STAMBP: variants seen among roughly 807,000 people sequenced by gnomAD.
STAMBP encodes the protein STAM binding protein, also known as STAM-binding protein.
In STAMBP, 31 loss-of-function variants were observed where a neutral mutation model predicts 50.7. The observed-to-expected ratio is 0.61, with a 90% CI of 0.46 to 0.83. The LOEUF (loss-of-function observed/expected upper bound fraction) is 0.83. STAMBP is among the 40% of genes least tolerant of loss of function. STAMBP has a pLI of 0.00. For synonymous variants in STAMBP, 211 were observed against 192.4 expected, an observed-to-expected ratio of 1.10 and a Z score of -0.80; for missense variants, 472 against 518.9, an observed-to-expected ratio of 0.91 and a Z score of 0.88.
At chr2:73,843,000 G>C (rs1007581916) in intron 2 of STAMBP, among the ~76,000 whole-genome samples, 1 of 152,090 alleles carries the variant, frequency 6.6e-6, no homozygotes, top group East Asian at 1.9e-4. Context: ...GCCTGCTAAA[G>C]GTAGTAAATA....
chr2:73,857,496 C>G (rs1331709288), intron 7 of STAMBP, among the ~76,000 whole-genome samples: 1 of 152,180 alleles, frequency 6.6e-6, no homozygotes, highest in Non-Finnish European at 1.5e-5. Context: ...AGTTCCAAGC[C>G]TCTTCGTCCA....
At position 73,866,413 on chromosome 2, in the gene STAMBP, A is replaced by G. The variant is rs1427073693; in HGVS notation, c.*4154A>G. Reference sequence around the variant, plus strand: ...GCGTTTTCATATTGTCTTTTATGTAAGTCATGTTTCTGAACTATCGTATAA... The same window carrying G: ...GCGTTTTCATATTGTCTTTTATGTAGGTCATGTTTCTGAACTATCGTATAA... On this transcript the variant is annotated 3_prime_UTR_variant, in exon 10 of 10. Coordinates refer to ENST00000394070, the MANE Select transcript of STAMBP (RefSeq NM_213622.4). 6.6e-6 allele frequency: 1 copy of G among 152,222 alleles called. No homozygotes were observed. Among genetic ancestry groups the G allele is most frequent in the Non-Finnish European group, 1.5e-5 (1 of 68,056 alleles). The allele number at this position is 152,222 out of a possible 1,614,324, so 9.4% of individuals were successfully genotyped here.
chr2:73,847,320 C>G, intron 4 of STAMBP, 67 bp from the exon 5 acceptor site: 1 of 1,520,960 alleles, frequency 6.6e-7, no homozygotes, highest in Non-Finnish European at 8.8e-7. Flanking sequence ...TGCTAAAAAG[C>G]CTTGTTCTCC....
At chr2:73,849,311 T>C in intron 5 of STAMBP, 52 bp from the exon 6 acceptor site, 1 of 1,611,218 alleles carries the variant, frequency 6.2e-7, no homozygotes. Flanking sequence ...TGAGGTCTGC[T>C]TGAGGAGGCA....
In STAMBP at chr2:73,832,345, C is replaced by G. The variant is rs1674061655; in HGVS notation, c.203+1286C>G. Among the ~76,000 whole-genome samples, 5 of 151,372 alleles carry G rather than the reference C, an allele frequency of 3.3e-5. No homozygotes were observed. In the South Asian group the frequency reaches 1.0e-3, roughly 31 times the overall value. On this transcript the variant is annotated intron_variant, in intron 2 of 9. Coordinates refer to ENST00000394070, the MANE Select transcript of STAMBP (RefSeq NM_213622.4). ...TGGCGTGTGCCTGTAATCCCAGCTA[C>G]TTGGGAGGCTAAGGCAGGAGAATCG...
chr2:73,847,481 T>G lies in STAMBP; in HGVS notation c.470T>G (p.Leu157Trp), dbSNP rs1012443924. 3 of 1,614,044 alleles carry G rather than the reference T, an allele frequency of 1.9e-6. No homozygotes were observed. In the African/African-American group the frequency reaches 4.0e-5, roughly 22 times the overall value. Residue 157 changes from leucine (L) to tryptophan (W), a missense_variant, in exon 5 of 10, where the codon TTG becomes TGG. Transcript: ENST00000394070. Reference sequence around the variant, plus strand: ...GTAGCACAACAGAAGCAGCAGCAATTGGAACAGGAACAGTTCCATGCCTTC... The same window carrying G: ...GTAGCACAACAGAAGCAGCAGCAATGGGAACAGGAACAGTTCCATGCCTTC... ...QRVAQQKQQQ[L>W]EQEQFHAFEE...
chr2:73,835,354 A>C (rs1282649526), intron 2 of STAMBP, among the ~76,000 whole-genome samples: 1 of 81,180 alleles, frequency 1.2e-5, no homozygotes, highest in Non-Finnish European at 2.7e-5. Flanking sequence ...ACTCGGTCTC[A>C]AAAAAAAAAA....
rs777124033 is a variant in STAMBP at position 73,830,928 on chromosome 2, G to A, written c.72G>A (p.Ala24=). The part of the protein sequence containing the change: ...RVRALSQLGS[A]VEVNEDIPPR... ...GGGCTCTCTCCCAGCTGGGTAGTGC[G>A]GTAGAGGTGAATGAAGACATTCCAC... The change falls in exon 2 of 10, where the codon GCG becomes GCA. Residue 24 remains alanine (A), a synonymous_variant. Transcript: ENST00000394070. 32 of 1,613,952 alleles carry A rather than the reference G, an allele frequency of 2.0e-5. No individual in the cohort carries two copies. The highest frequency in any genetic ancestry group is 1.7e-4 in the Middle Eastern group (1 of 6,010).
chr2:73,832,493 C>G (rs1674088326), intron 2 of STAMBP, among the ~76,000 whole-genome samples: 1 of 151,920 alleles, frequency 6.6e-6, no homozygotes, highest in African/African-American at 2.4e-5. Flanking sequence ...CCACCCACTC[C>G]TCTTTTCCCC....
At chr2:73,849,337 A>G in intron 5 of STAMBP, 26 bp from the exon 6 acceptor site, 3 of 1,612,732 alleles carry the variant, frequency 1.9e-6, no homozygotes, top group Non-Finnish European at 2.5e-6. Context: ...CAGTGGTCGC[A>G]GACTATTCTC....
Position 73,830,854 on chromosome 2 carries a change from C to T in STAMBP, c.-3C>T. The T allele has an allele frequency of 6.2e-7, 1 of 1,612,356 alleles. No homozygotes were observed. The highest frequency in any genetic ancestry group is 8.5e-7 in the Non-Finnish European group (1 of 1,179,810). On this transcript the variant is annotated 5_prime_UTR_variant, in exon 2 of 10. Transcript: ENST00000394070. ...GTTTTTTCTGTCTCAGAACTTGGTC[C>T]TGATGTCTGACCATGGAGATGTGAG...
intron 9 of STAMBP, among the ~76,000 whole-genome samples, chr2:73,861,915 A>G (rs913205654): frequency 1.2e-4 from 19 of 152,088 alleles, no homozygotes; most frequent in Admixed American, 1.1e-3. Flanking sequence ...AGGCAGGCAG[A>G]TTACTTGAGG....
At chr2:73,859,647 T>A (rs1426331343) in intron 8 of STAMBP, among the ~76,000 whole-genome samples, 1 of 151,374 alleles carries the variant, frequency 6.6e-6, no homozygotes, top group Non-Finnish European at 1.5e-5. Context: ...TCAAGAGTTT[T>A]ATGTTGGATT....
At chr2:73,833,787 G>C (rs552377454) in intron 2 of STAMBP, among the ~76,000 whole-genome samples, 1 of 152,116 alleles carries the variant, frequency 6.6e-6, no homozygotes, top group Admixed American at 6.5e-5. Flanking sequence ...GAACAGCAGT[G>C]AGTAAAATGG....
At chr2:73,835,714 A>G (rs554421583) in intron 2 of STAMBP, among the ~76,000 whole-genome samples, 8 of 152,290 alleles carry the variant, frequency 5.3e-5, no homozygotes, top group African/African-American at 1.9e-4. Context: ...GCCTTGAACA[A>G]CTTAAACGAT....
chr2:73,846,208 C>CA (rs937760562), intron 4 of STAMBP, among the ~76,000 whole-genome samples: 9 of 150,832 alleles, frequency 6.0e-5, no homozygotes, highest in African/African-American at 1.7e-4. Flanking sequence ...TTTTTTAATC[C>CA]AAATGCCTCT....
At chr2:73,837,211 G>A (rs959457815) in intron 2 of STAMBP, among the ~76,000 whole-genome samples, 3 of 152,100 alleles carry the variant, frequency 2.0e-5, no homozygotes, top group South Asian at 2.1e-4. Flanking sequence ...TCTCAAAATA[G>A]CATCTAAACA....
In STAMBP at chr2:73,860,473, G is replaced by A. The variant is rs534054395; in HGVS notation, c.1218+322G>A. 4.6e-4 allele frequency: 334 copies of A among 724,700 alleles called. 1 individual carries two copies. Among genetic ancestry groups the A allele is most frequent in the South Asian group, 3.1e-3 (50 of 16,362 alleles). The allele number at this position is 724,700 out of a possible 1,614,324, so 44.9% of individuals were successfully genotyped here. A position where few individuals can be genotyped will look rare whatever the true frequency, so the allele number is the denominator to read the frequency against. On this transcript the variant is annotated intron_variant, in intron 9 of 9. Coordinates refer to ENST00000394070, the MANE Select transcript of STAMBP (RefSeq NM_213622.4). ...AAATGAAGTAATGTGCAGGAAGTAC[G>A]TAATGCAGTTGCTGGCTTATTAAAT... is the stretch of plus-strand genomic sequence containing the variant.
rs544147004 is a variant in STAMBP at position 73,849,315 on chromosome 2, G to A, written c.743-48G>A. 39 of 1,611,324 alleles carry A rather than the reference G, an allele frequency of 2.4e-5. No homozygotes were observed. In the South Asian group the frequency reaches 3.5e-4, roughly 15 times the overall value. ...GCTGCTGGCTGTGAGGTCTGCTTGA[G>A]GAGGCAGGGCTCAGTGGTCGCAGAC... On this transcript the variant is annotated intron_variant, in intron 5 of 9. Transcript: ENST00000394070.
Sources: allele counts gnomAD v4.1 joint callset (sites outside exome capture counted in the v4.1 genomes callset), GRCh38; gene constraint gnomAD v4.1.1; transcripts MANE v1.5; gene names NCBI Gene and HGNC (gene_info 2026-07-23, HGNC 2026-07-21).